CFAP157: variants seen among roughly 807,000 people sequenced by gnomAD.
The protein encoded by CFAP157 is cilia and flagella associated protein 157.
A neutral mutation model predicts 57.8 loss-of-function variants in CFAP157; 43 were observed. The ratio of observed to expected loss-of-function variants is 0.74; its 90% CI spans 0.58 to 0.96. The LOEUF is 0.96. Ranked by LOEUF, CFAP157 falls within the 40% of genes least tolerant of loss-of-function variation. The pLI, the probability that CFAP157 is intolerant of heterozygous loss-of-function variation, is 0.00. For missense variants in CFAP157, 606 were observed against 655.3 expected (o/e 0.92, Z 0.82); for synonymous variants, 267 against 269.0 (o/e 0.99, Z 0.07).
Position 127,709,156 on chromosome 9 carries a change from G to A in CFAP157, c.162-266G>A, listed in dbSNP as rs1483935399. Among the ~76,000 whole-genome samples, 1 of 152,220 alleles carries A rather than the reference G, an allele frequency of 6.6e-6. No homozygotes were observed. Among genetic ancestry groups the A allele is most frequent in the Non-Finnish European group, 1.5e-5 (1 of 68,040 alleles). Reference sequence around the variant, plus strand: ...CTATCTGCCAGGCACAGGTGTTGGGGACATACTTGTAAACATAACAAGGCC... The same window carrying A: ...CTATCTGCCAGGCACAGGTGTTGGGAACATACTTGTAAACATAACAAGGCC... On this transcript the variant is annotated intron_variant, in intron 1 of 8. Coordinates refer to ENST00000373295, the MANE Select transcript of CFAP157 (RefSeq NM_001012502.3). The surrounding 1 kb of genome is among the most constrained non-coding windows in gnomAD (Gnocchi z 4.7).
At chr9:127,713,620 C>T (rs1368670764) in intron 8 of CFAP157, 4 of 448,346 alleles carry the variant, frequency 8.9e-6, no homozygotes, top group African/African-American at 4.1e-5. Context: ...GATTCTCCTG[C>T]CTCAGTCTCC....
In CFAP157 at chr9:127,714,750, G is replaced by A. The variant is rs769437148; in HGVS notation, c.*845G>A. ...CCTGGTTACTGCCCATCTGCCCAGA[G>A]AGGCACTGTCCCGACTCCCATGATG... On this transcript the variant is annotated 3_prime_UTR_variant, in exon 9 of 9. Coordinates refer to ENST00000373295, the MANE Select transcript of CFAP157 (RefSeq NM_001012502.3). 4.7e-6 allele frequency: 7 copies of A among 1,484,906 alleles called. No individual in the cohort carries two copies. Among genetic ancestry groups the A allele is most frequent in the Admixed American group, 1.9e-5 (1 of 53,818 alleles). 92.0% of individuals were successfully genotyped at this position (1,484,906 alleles called of 1,614,324 possible).
chr9:127,710,142 G>A (rs1842729372), intron 2 of CFAP157, among the ~76,000 whole-genome samples: 1 of 152,078 alleles, frequency 6.6e-6, no homozygotes, highest in African/African-American at 2.4e-5. Flanking sequence ...AGGTGTGGTG[G>A]TGCACATATG....
chr9:127,710,290 A>AC (rs921311801), intron 2 of CFAP157, among the ~76,000 whole-genome samples: 1 of 151,756 alleles, frequency 6.6e-6, no homozygotes, highest in Non-Finnish European at 1.5e-5. Context: ...CTCAAAAAAA[A>AC]AAAAAAAAAC....
Position 127,715,198 on chromosome 9 carries a change from C to G in CFAP157, c.*1293C>G, listed in dbSNP as rs1262092944. 1 of 1,525,104 alleles carries G rather than the reference C, an allele frequency of 6.6e-7. No individual in the cohort carries two copies. The highest frequency in any genetic ancestry group is 2.0e-5 in the Admixed American group (1 of 49,686). 94.5% of individuals were successfully genotyped at this position (1,525,104 alleles called of 1,614,324 possible). A position where few individuals can be genotyped will look rare whatever the true frequency, so the allele number is the denominator to read the frequency against. On this transcript the variant is annotated 3_prime_UTR_variant, in exon 9 of 9. Coordinates refer to ENST00000373295, the MANE Select transcript of CFAP157 (RefSeq NM_001012502.3). The surrounding 1 kb of genome is among the most constrained non-coding windows in gnomAD (Gnocchi z 5.8). The stretch of plus-strand genomic sequence containing the variant: ...CGGGATTCCCCAGGCCAGCCACCTG[C>G]GGGCGGCACCAGGGAAACTGAGGCC...
chr9:127,712,397 G>C (rs373600639), intron 6 of CFAP157, 48 bp downstream of exon 6: 9 of 1,601,326 alleles, frequency 5.6e-6, no homozygotes, highest in African/African-American at 2.7e-5. Context: ...GGGAGTGAGC[G>C]CAAGATGGAA....
chr9:127,715,980 GC>G lies in CFAP157; in HGVS notation c.*2076del. ...CCCGCTGTAGGCCTCAACCTCTCCA[GC>G]TAATAAAAGTTTTCTACCTCCCTCC... On this transcript the variant is annotated 3_prime_UTR_variant, in exon 9 of 9. Coordinates refer to ENST00000373295, the MANE Select transcript of CFAP157 (RefSeq NM_001012502.3). This position sits in a 1 kb window ranked among gnomAD's most constrained non-coding sequence, Gnocchi z 5.8. 1 of 998,084 alleles carries G rather than the reference GC, an allele frequency of 1.0e-6. No homozygotes were observed. Among genetic ancestry groups the G allele is most frequent in the Non-Finnish European group, 1.5e-6 (1 of 660,842 alleles). 61.8% of individuals were successfully genotyped at this position (998,084 alleles called of 1,614,324 possible). A position where few individuals can be genotyped will look rare whatever the true frequency, so the allele number is the denominator to read the frequency against.
Position 127,711,913 on chromosome 9 carries a change from A to C in CFAP157, c.949A>C (p.Arg317=). The change falls in exon 5 of 9, where the codon AGA becomes CGA. Residue 317 remains arginine, a synonymous_variant. Coordinates refer to ENST00000373295, the MANE Select transcript of CFAP157 (RefSeq NM_001012502.3). The part of the protein sequence containing the change: ...LRLLLSQLEQ[R]SLQLQVDNQA... ...CCTCCTGCTGAGCCAGTTGGAGCAGAGATCCCTGCAGCTGCAGGTGGATAA... is the reference window on the plus strand; with the variant it reads ...CCTCCTGCTGAGCCAGTTGGAGCAGCGATCCCTGCAGCTGCAGGTGGATAA... 1 of 1,604,952 alleles carries C rather than the reference A, an allele frequency of 6.2e-7. No individual in the cohort carries two copies. Among genetic ancestry groups the C allele is most frequent in the East Asian group, 2.2e-5 (1 of 44,566 alleles).
Position 127,714,912 on chromosome 9 carries a change from G to GGCCC in CFAP157, c.*1007_*1008insGCCC. ...CTGTCACAGCCAGTGCTCCCCTCTG[G>GGCCC]CCCCCGCGCCCCAACCCCCACCCCC... On this transcript the variant is annotated 3_prime_UTR_variant, in exon 9 of 9. Coordinates refer to ENST00000373295, the MANE Select transcript of CFAP157 (RefSeq NM_001012502.3). 19 of 766,652 alleles carry GGCCC rather than the reference G, an allele frequency of 2.5e-5. No homozygotes were observed. Among genetic ancestry groups the GGCCC allele is most frequent in the East Asian group, 2.8e-5 (1 of 35,812 alleles). The allele number at this position is 766,652 out of a possible 1,614,324, so 47.5% of individuals were successfully genotyped here. A position where few individuals can be genotyped will look rare whatever the true frequency, so the allele number is the denominator to read the frequency against.
At chr9:127,710,970 G>C (rs1430920627) in intron 3 of CFAP157, among the ~76,000 whole-genome samples, 1 of 152,162 alleles carries the variant, frequency 6.6e-6, no homozygotes, top group African/African-American at 2.4e-5. Context: ...GCTGGCATTG[G>C]AGACTCCCAG....
At chr9:127,707,620 C>A (rs1215953321) in intron 1 of CFAP157, among the ~76,000 whole-genome samples, 1 of 152,328 alleles carries the variant, frequency 6.6e-6, no homozygotes, top group Middle Eastern at 3.4e-3. Context: ...CCAGTTGTTT[C>A]TCCATGCTGG....
rs1483040810 is a variant in CFAP157, at chr9:127,715,302, C to T, written c.*1397C>T. 2 of 1,358,708 alleles carry T rather than the reference C, an allele frequency of 1.5e-6. No individual in the cohort carries two copies. The highest frequency in any genetic ancestry group is 2.5e-5 in the East Asian group (1 of 40,084). The allele number at this position is 1,358,708 out of a possible 1,614,324, so 84.2% of individuals were successfully genotyped here. The stretch of plus-strand genomic sequence containing the variant: ...GGAGCGGAAACGCAGAGCAACGCTG[C>T]AGTGGGGAAGGGGCGCGAAGAAGGG... On this transcript the variant is annotated 3_prime_UTR_variant, in exon 9 of 9. Transcript: ENST00000373295. The surrounding 1 kb of genome is among the most constrained non-coding windows in gnomAD (Gnocchi z 5.8).
Position 127,707,071 on chromosome 9 carries a change from CT to C in CFAP157, c.42del (p.Glu15LysfsTer23). ...KKSVSKAGKE[L>X]EVKKKGGKKE... ...GAGTGTGAGCAAGGCAGGCAAGGAG[CT>C]TGAAGTCAAGAAGAAAGGGGGCAAG... On this transcript the variant is annotated frameshift_variant, in exon 1 of 9. Transcript: ENST00000373295. LOFTEE classifies it high-confidence loss of function. 1 of 1,613,952 alleles carries C rather than the reference CT, an allele frequency of 6.2e-7. No individual in the cohort carries two copies. The highest frequency in any genetic ancestry group is 2.2e-5 in the East Asian group (1 of 44,856).
chr9:127,713,340 G>A (rs887544483), intron 8 of CFAP157, 134 bp downstream of exon 8: 4 of 715,946 alleles, frequency 5.6e-6, no homozygotes, highest in African/African-American at 5.4e-5. Context: ...TCTGTAAAAT[G>A]GGCTGAAGAA....
chr9:127,712,661 G>C, intron 6 of CFAP157, 48 bp from the exon 7 acceptor site: 4 of 1,613,808 alleles, frequency 2.5e-6, no homozygotes, highest in Non-Finnish European at 3.4e-6. Context: ...GACGAGGGTG[G>C]GTACTGGGGC....
rs577587450 is a variant in CFAP157 at position 127,708,426 on chromosome 9, G to A, written c.162-996G>A. Among the ~76,000 whole-genome samples, 13 of 152,214 alleles carry A rather than the reference G, an allele frequency of 8.5e-5. No homozygotes were observed. The East Asian group carries it at 1.7e-3, about 20-fold the overall frequency. ...TGGGAGGCAGAGGTTGCAGAGAGCC[G>A]AGATCGTGCCACTGCACTCCAACCT... is the stretch of plus-strand genomic sequence containing the variant. On this transcript the variant is annotated intron_variant, in intron 1 of 8. Coordinates refer to ENST00000373295, the MANE Select transcript of CFAP157 (RefSeq NM_001012502.3).
At chr9:127,708,237 G>A (rs1842689930) in intron 1 of CFAP157, among the ~76,000 whole-genome samples, 1 of 152,144 alleles carries the variant, frequency 6.6e-6, no homozygotes, top group African/African-American at 2.4e-5. Flanking sequence ...CCAGCACTTT[G>A]GGAGGCCAAG....
In CFAP157 at chr9:127,715,679, C is replaced by T; in HGVS notation, c.*1774C>T. 1 of 1,594,494 alleles carries T rather than the reference C, an allele frequency of 6.3e-7. No homozygotes were observed. The highest frequency in any genetic ancestry group is 8.5e-7 in the Non-Finnish European group (1 of 1,173,590). On this transcript the variant is annotated 3_prime_UTR_variant, in exon 9 of 9. Coordinates refer to ENST00000373295, the MANE Select transcript of CFAP157 (RefSeq NM_001012502.3). This position sits in a 1 kb window ranked among gnomAD's most constrained non-coding sequence, Gnocchi z 5.8. ...CTCCGACACCGCCCCCTGACGTCAT[C>T]ACCCCGCAGCAGCCAATCGTGTTGC...
rs770373537 is a variant in CFAP157 at position 127,714,424 on chromosome 9, C to T, written c.*519C>T. On this transcript the variant is annotated 3_prime_UTR_variant, in exon 9 of 9. Transcript: ENST00000373295. Reference sequence around the variant, plus strand: ...TGCAGGAACGGACTCCATTGTGGCCCCTTCAAGGGATATGGGAGGGGCAGT... The same window carrying T: ...TGCAGGAACGGACTCCATTGTGGCCTCTTCAAGGGATATGGGAGGGGCAGT... 50 of 1,614,174 alleles carry T rather than the reference C, an allele frequency of 3.1e-5. No individual in the cohort carries two copies. The highest frequency in any genetic ancestry group is 4.2e-5 in the Non-Finnish European group (50 of 1,180,016).
Sources: gnomAD v4.1 joint callset for allele counts (sites outside exome capture counted in the v4.1 genomes callset) on GRCh38, gnomAD v4.1.1 for gene constraint, Gnocchi (gnomAD v3.1) non-coding constraint, MANE v1.5 for transcripts, NCBI Gene and HGNC (gene_info 2026-07-23, HGNC 2026-07-21) for gene names.